Variants in COP1 observed in about 807,000 individuals in gnomAD.
COP1 encodes COP1 E3 ubiquitin ligase.
A neutral mutation model predicts 101.3 loss-of-function variants in COP1; 24 were observed. That is an observed-to-expected ratio of 0.24 (90% CI 0.17 to 0.33). The LOEUF (loss-of-function observed/expected upper bound fraction) is 0.33. Ranked by LOEUF, COP1 falls within the 10% of genes least tolerant of loss-of-function variation. The pLI is 1.00. For synonymous variants in COP1, 347 were observed against 341.9 expected, an observed-to-expected ratio of 1.01 and a Z score of -0.17; for missense variants, 663 against 906.2, an observed-to-expected ratio of 0.73 and a Z score of 3.45.
intron 11 of COP1, among the ~76,000 whole-genome samples, chr1:176,064,256 T>C (rs1029692618): frequency 2.0e-5 from 3 of 152,060 alleles, no homozygotes; most frequent in Admixed American, 6.5e-5. Flanking sequence ...AACTGAAAAA[T>C]TGCCAAAAAA....
At position 176,085,923 on chromosome 1, in the gene COP1, A is replaced by C. The variant is rs746656137; in HGVS notation, c.1027-33T>G. The C allele has an allele frequency of 1.3e-5, 16 of 1,211,464 alleles. No individual in the cohort carries two copies. In the African/African-American group the frequency reaches 1.9e-4, roughly 15 times the overall value. 75.0% of individuals were successfully genotyped at this position (1,211,464 alleles called of 1,614,324 possible). The stretch of plus-strand genomic sequence containing the variant: ...AATAAGAAAAGACACAAAACTTAGA[A>C]TAAACAATACTCTTCTTTTGCACAG... On this transcript the variant is annotated intron_variant, in intron 9 of 19. Coordinates refer to ENST00000367669, the MANE Select transcript of COP1 (RefSeq NM_022457.7).
At chr1:176,093,194 T>G (rs1325100981) in intron 9 of COP1, among the ~76,000 whole-genome samples, 4 of 152,186 alleles carry the variant, frequency 2.6e-5, no homozygotes, top group Non-Finnish European at 5.9e-5. Flanking sequence ...ATAATTATAT[T>G]TGGATAGGAA....
chr1:176,201,700 T>C (rs1039664123), intron 1 of COP1, among the ~76,000 whole-genome samples: 4 of 152,212 alleles, frequency 2.6e-5, no homozygotes, highest in Admixed American at 6.5e-5. Flanking sequence ...AATTCACCCA[T>C]AGAAGTCTCC....
intron 15 of COP1, among the ~76,000 whole-genome samples, chr1:176,023,749 A>G (rs1296785392): frequency 1.3e-5 from 2 of 151,642 alleles, no homozygotes; most frequent in Admixed American, 1.3e-4. Context: ...AGAAAAGAAA[A>G]GAAAAGAAAA....
intron 6 of COP1, among the ~76,000 whole-genome samples, chr1:176,143,034 G>A (rs577031544): frequency 6.6e-6 from 1 of 151,484 alleles, no homozygotes; most frequent in Non-Finnish European, 1.5e-5. Flanking sequence ...AAACAAAACA[G>A]AGAGGAAAAA....
chr1:175,947,256 G>A lies in COP1; in HGVS notation c.2134-17C>T, dbSNP rs753888981. On this transcript the variant is annotated splice_polypyrimidine_tract_variant and intron_variant, in intron 18 of 19. Coordinates refer to ENST00000367669, the MANE Select transcript of COP1 (RefSeq NM_022457.7). ...ATTGGACTCCTAGAAAAGAACAAGA[G>A]CTTTTAAAGTATAGAGAAGGATTTC... 6.3e-7 allele frequency: 1 copy of A among 1,587,618 alleles called. No homozygotes were observed. Among genetic ancestry groups the A allele is most frequent in the Non-Finnish European group, 8.6e-7 (1 of 1,156,098 alleles).
intron 2 of COP1, among the ~76,000 whole-genome samples, chr1:176,179,369 A>T (rs2101971380): frequency 6.6e-6 from 1 of 152,316 alleles, no homozygotes; most frequent in South Asian, 2.1e-4. Flanking sequence ...GGTTTTAGCA[A>T]ATAACTTTTC....
intron 18 of COP1, among the ~76,000 whole-genome samples, chr1:175,954,774 C>T (rs7523048): frequency 0.92 from 139,450 of 152,140 alleles, 64,842 homozygotes; most frequent in East Asian, 1. Context: ...AAAGACATTA[C>T]AAAAACAAAT....
chr1:176,082,572 C>T (rs1572122165), intron 10 of COP1, among the ~76,000 whole-genome samples: 1 of 151,874 alleles, frequency 6.6e-6, no homozygotes, highest in East Asian at 1.9e-4. Flanking sequence ...TTTGGGAGGC[C>T]GAGGCAGGCG....
intron 11 of COP1, among the ~76,000 whole-genome samples, chr1:176,069,840 C>G (rs1243799596): frequency 1.3e-5 from 2 of 152,146 alleles, no homozygotes; most frequent in East Asian, 1.9e-4. Flanking sequence ...TGATCTAATC[C>G]AACAGATTAT....
chr1:175,966,654 G>T (rs958781998), intron 18 of COP1, among the ~76,000 whole-genome samples: 1 of 152,170 alleles, frequency 6.6e-6, no homozygotes, highest in Non-Finnish European at 1.5e-5. Context: ...AAGAAGAAAG[G>T]TGTCTTGGGT....
chr1:175,951,966 C>CA (rs1298206766), intron 18 of COP1, among the ~76,000 whole-genome samples: 2 of 152,158 alleles, frequency 1.3e-5, no homozygotes, highest in African/African-American at 4.8e-5. Context: ...AGAAGCACAA[C>CA]ACCACATCAA....
intron 14 of COP1, among the ~76,000 whole-genome samples, chr1:176,037,205 G>A (rs61820964): frequency 0.066 from 10,037 of 151,898 alleles, 413 homozygotes; most frequent in Middle Eastern, 0.12. Flanking sequence ...GATGGAGACC[G>A]TCCTGGCTAA....
Position 176,084,890 on chromosome 1 carries a change from T to C in COP1, c.1141+886A>G, listed in dbSNP as rs1679856177. The stretch of plus-strand genomic sequence containing the variant: ...CTTGGTGGGGTTTATTTTAAGCAGA[T>C]GCCTCATTAATGACCTGAATTAATT... On this transcript the variant is annotated intron_variant, in intron 10 of 19. Transcript: ENST00000367669. Among the ~76,000 whole-genome samples, 7 of 151,958 alleles carry C rather than the reference T, an allele frequency of 4.6e-5. No homozygotes were observed. In the South Asian group the frequency reaches 1.5e-3, roughly 32 times the overall value.
intron 8 of COP1, 29 bp from the exon 9 acceptor site, chr1:176,116,710 T>C (rs1558141600): frequency 1.3e-6 from 2 of 1,494,444 alleles, no homozygotes; most frequent in Non-Finnish European, 1.9e-6. Context: ...AAAATGTGAT[T>C]TCAGTATTTA....
intron 9 of COP1, among the ~76,000 whole-genome samples, chr1:176,087,258 G>A (rs952167331): frequency 1.3e-5 from 2 of 152,192 alleles, no homozygotes; most frequent in African/African-American, 2.4e-5. Context: ...ATTGACAAAT[G>A]GGATCTAATT....
chr1:176,086,535 GA>G lies in COP1; in HGVS notation c.1027-646del, dbSNP rs1353657433. ...GCCACTGCGCCTGGCCTGATTTTGG[GA>G]ATCTTAATATCCAGAAATTGTTAGA... is the stretch of plus-strand genomic sequence containing the variant. On this transcript the variant is annotated intron_variant, in intron 9 of 19. Transcript: ENST00000367669. 2.0e-5 allele frequency among the ~76,000 whole-genome samples: 3 copies of G among 152,098 alleles called. No homozygotes were observed. In the East Asian group the frequency reaches 5.8e-4, roughly 29 times the overall value.
chr1:175,991,752 A>G (rs1293780690), intron 15 of COP1, among the ~76,000 whole-genome samples: 1 of 152,168 alleles, frequency 6.6e-6, no homozygotes, highest in African/African-American at 2.4e-5. Flanking sequence ...GTTAAAAACT[A>G]AGAAACAGAA....
At chr1:176,170,486 CT>C (rs1695871464) in intron 3 of COP1, among the ~76,000 whole-genome samples, 2 of 152,202 alleles carry the variant, frequency 1.3e-5, no homozygotes, top group South Asian at 4.1e-4. Flanking sequence ...TATCAGAGCT[CT>C]TGGGTGACCA....
Sources: gnomAD v4.1 joint callset for allele counts (sites outside exome capture counted in the v4.1 genomes callset) on GRCh38, gnomAD v4.1.1 for gene constraint, MANE v1.5 for transcripts, NCBI Gene and HGNC (gene_info 2026-07-23, HGNC 2026-07-21) for gene names.